The following AHCY variants were observed in gnomAD, a reference collection of about 807,000 sequenced individuals.
AHCY encodes adenosylhomocysteinase.
Under a neutral mutation model 45.4 loss-of-function variants are expected in AHCY, and 24 were observed. The observed-to-expected ratio is 0.53, with a 90% CI of 0.38 to 0.74. The LOEUF is 0.74. Among genes scored for constraint, AHCY ranks in the 30% least tolerant of loss-of-function variants. The pLI is 0.00. For synonymous variants in AHCY, 245 were observed against 235.1 expected (o/e 1.04, Z -0.39); for missense variants, 449 against 594.1 (o/e 0.76, Z 2.54).
chr20:34,278,499 C>T (rs75544051), downstream of AHCY, among the ~76,000 whole-genome samples: 1,122 of 152,278 alleles, frequency 7.4e-3, 15 homozygotes, highest in African/African-American at 0.026. Flanking sequence ...GTGAAGTTAT[C>T]GTCCCAGCAG....
intron 2 of AHCY, 196 bp downstream of exon 2, chr20:34,295,199 G>A: frequency 1.4e-6 from 1 of 728,952 alleles, no homozygotes; most frequent in South Asian, 1.6e-5. Flanking sequence ...CCCAGCCAGG[G>A]AGAAAATCTG....
At chr20:34,252,809 C>T in the AHCY span, among the ~76,000 whole-genome samples, 1 of 152,178 alleles carries the variant, frequency 6.6e-6, no homozygotes, top group African/African-American at 2.4e-5. Flanking sequence ...GGCAGAGGTC[C>T]CTGCGGACAT....
At chr20:34,235,794 AAAGAAAG>A in the AHCY span, among the ~76,000 whole-genome samples, 2 of 45,124 alleles carry the variant, frequency 4.4e-5, no homozygotes, top group African/African-American at 4.2e-4. Context: ...AAGAAGAAAG[AAAGAAAG>A]AAAGAAAGAA....
rs918009105 is a variant in AHCY, at chr20:34,280,877, C to T, written c.*157G>A. 24 of 1,123,846 alleles carry T rather than the reference C, an allele frequency of 2.1e-5. 1 individual carries two copies. The East Asian group carries it at 3.1e-4, about 15-fold the overall frequency. 69.6% of individuals were successfully genotyped at this position (1,123,846 alleles called of 1,614,324 possible). ...CGCTGCCACATTTGGAACAGTATGACGGCTGCAGCAGAGGCCAAAAACTAA... is the reference window on the plus strand; with the variant it reads ...CGCTGCCACATTTGGAACAGTATGATGGCTGCAGCAGAGGCCAAAAACTAA... On this transcript the variant is annotated 3_prime_UTR_variant, in exon 10 of 10. Transcript: ENST00000217426.
the AHCY span, among the ~76,000 whole-genome samples, chr20:34,249,793 A>T: frequency 6.6e-6 from 1 of 152,184 alleles, no homozygotes; most frequent in Admixed American, 6.5e-5. Context: ...AAGCAACTTG[A>T]TTCAGTTTTT....
chr20:34,308,655 A>ATTT (rs745327223), intron 1 of AHCY, among the ~76,000 whole-genome samples: 3 of 142,522 alleles, frequency 2.1e-5, no homozygotes, highest in Non-Finnish European at 3.1e-5. Context: ...TAATTTGGCA[A>ATTT]TTTTTTTTTT....
the AHCY span, among the ~76,000 whole-genome samples, chr20:34,267,153 A>G: frequency 2.5e-4 from 38 of 152,358 alleles, no homozygotes; most frequent in Admixed American, 5.2e-4. Context: ...TAAGAAAGAT[A>G]TATCTTATCC....
the AHCY span, among the ~76,000 whole-genome samples, chr20:34,235,881 GGAAGGAAGGAAGGAAGGAAAGGAA>G: frequency 3.0e-5 from 3 of 98,638 alleles, no homozygotes; most frequent in Admixed American, 9.3e-5. Context: ...AAGGAAGGAA[GGAAGGAAGGAAGGAAGGAAAGGAA>G]GGAAGGAAGG....
intron 1 of AHCY, 89 bp from the exon 2 acceptor site, chr20:34,295,674 T>C: frequency 7.5e-7 from 1 of 1,327,034 alleles, no homozygotes; most frequent in Non-Finnish European, 1.1e-6. Context: ...GATCCACGTG[T>C]GGACTCAACA....
intron 2 of AHCY, chr20:34,295,171 G>T (rs980751125): frequency 7.7e-6 from 5 of 652,562 alleles, no homozygotes; most frequent in Non-Finnish European, 1.1e-5. Flanking sequence ...TGCCTTGAGG[G>T]TAGCCAACAG....
At chr20:34,307,961 C>G (rs2036912944), upstream of AHCY, among the ~76,000 whole-genome samples, 1 of 151,992 alleles carries the variant, frequency 6.6e-6, no homozygotes, top group Admixed American at 6.6e-5. Context: ...CACCCTCATC[C>G]CTCAAATAGG....
chr20:34,308,166 A>G (rs1262342549), upstream of AHCY, among the ~76,000 whole-genome samples: 1 of 152,186 alleles, frequency 6.6e-6, no homozygotes, highest in Non-Finnish European at 1.5e-5. Flanking sequence ...TCCATGGTGT[A>G]TATGTACCAC....
the AHCY span, among the ~76,000 whole-genome samples, chr20:34,259,203 G>A: frequency 6.7e-6 from 1 of 149,424 alleles, no homozygotes; most frequent in African/African-American, 2.5e-5. Context: ...GTGAGACTCT[G>A]TCTCAAAACA....
chr20:34,309,119 C>A (rs1317085009), intron 1 of AHCY, among the ~76,000 whole-genome samples: 1 of 151,374 alleles, frequency 6.6e-6, no homozygotes, highest in Non-Finnish European at 1.5e-5. Context: ...ACCACCACAC[C>A]CGGCTAATTT....
In AHCY at chr20:34,294,113, G is replaced by A. The variant is rs748278715; in HGVS notation, c.263C>T (p.Ala88Val). ...SCNIFSTQDH[A>V]AAAIAKAGIP... Reference sequence around the variant, plus strand: ...GCCAGCCTTGGCAATGGCAGCCGCCGCATGGTCCTGGGTGGAGAAGATGTT... The same window carrying A: ...GCCAGCCTTGGCAATGGCAGCCGCCACATGGTCCTGGGTGGAGAAGATGTT... Residue 88 changes from alanine to valine, a missense_variant, in exon 3 of 10, where the codon GCG becomes GTG. Physicochemically the swap from Ala to Val is moderately conservative, Grantham distance 64. Transcript: ENST00000217426. 1.8e-5 allele frequency: 29 copies of A among 1,613,854 alleles called. No individual in the cohort carries two copies. Among genetic ancestry groups the A allele is most frequent in the Non-Finnish European group, 2.2e-5 (26 of 1,180,038 alleles).
upstream of AHCY, among the ~76,000 whole-genome samples, chr20:34,305,973 T>C (rs2036891352): frequency 6.7e-6 from 1 of 149,746 alleles, no homozygotes; most frequent in Non-Finnish European, 1.5e-5. Flanking sequence ...ACTCAGCTAC[T>C]CAGGAGGCTG....
intron 3 of AHCY, chr20:34,293,804 G>A (rs1330458935): frequency 2.0e-6 from 1 of 508,532 alleles, no homozygotes; most frequent in Non-Finnish European, 3.6e-6. Flanking sequence ...TTCCTTTAAT[G>A]AACTTCCCCT....
Position 34,290,185 on chromosome 20 carries a change from C to T in AHCY, c.972+147G>A. 1 of 819,908 alleles carries T rather than the reference C, an allele frequency of 1.2e-6. No individual in the cohort carries two copies. Among genetic ancestry groups the T allele is most frequent in the East Asian group, 2.5e-5 (1 of 40,816 alleles). The allele number at this position is 819,908 out of a possible 1,614,324, so 50.8% of individuals were successfully genotyped here. A position where few individuals can be genotyped will look rare whatever the true frequency, so the allele number is the denominator to read the frequency against. ...GCCGGCTGCCCACAGGATAAGGTTGCCACGTCTGGCTGGCTCTGATGCTAG... is the reference window on the plus strand; with the variant it reads ...GCCGGCTGCCCACAGGATAAGGTTGTCACGTCTGGCTGGCTCTGATGCTAG... On this transcript the variant is annotated intron_variant, in intron 8 of 9. Coordinates refer to ENST00000217426, the MANE Select transcript of AHCY (RefSeq NM_000687.4). This position sits in a 1 kb window ranked among gnomAD's most constrained non-coding sequence, Gnocchi z 4.5.
chr20:34,237,211 G>C, the AHCY span, among the ~76,000 whole-genome samples: 1 of 151,814 alleles, frequency 6.6e-6, no homozygotes, highest in African/African-American at 2.4e-5. Flanking sequence ...GGCTATTTGG[G>C]GTCCTTTGAG....
Sources: allele counts gnomAD v4.1 joint callset (sites outside exome capture counted in the v4.1 genomes callset), GRCh38; gene constraint gnomAD v4.1.1; non-coding constraint Gnocchi (gnomAD v3.1); transcripts MANE v1.5; gene names NCBI Gene and HGNC (gene_info 2026-07-23, HGNC 2026-07-21).